The following SLC14A2 variants were observed in gnomAD, a reference collection of about 807,000 sequenced individuals.
SLC14A2 encodes urea transporter 2.
SLC14A2 carries 91 observed loss-of-function variants against 104.6 expected under a neutral mutation model. The observed-to-expected ratio is 0.87, with a 90% CI of 0.73 to 1.04. The LOEUF (loss-of-function observed/expected upper bound fraction) is 1.04. Among genes scored for constraint, SLC14A2 ranks in the 50% least tolerant of loss-of-function variants. The pLI, the probability that SLC14A2 is intolerant of heterozygous loss-of-function variation, is 0.00. For synonymous variants in SLC14A2, 476 were observed against 466.4 expected (o/e 1.02, Z -0.27); for missense variants, 1,189 against 1,156.0 (o/e 1.03, Z -0.41).
Position 45,403,892 on chromosome 18 carries a change from A to G in SLC14A2, c.-124-79341A>G, listed in dbSNP as rs184122666. Among the ~76,000 whole-genome samples the G allele has an allele frequency of 4.6e-4, 70 of 152,310 alleles. 2 individuals are homozygous for G. The East Asian group carries it at 0.013, about 29-fold the overall frequency. On this transcript the variant is annotated intron_variant, in intron 1 of 20. Transcript: ENST00000586448. ...AAGATAAAGGACAAGCACTTCTGTG[A>G]CTTGACTGTATTCAACCCTTCCAGC...
rs561488166 is a variant in SLC14A2 at position 45,540,387 on chromosome 18, C to G, written c.-35+57065C>G. ...TGCTGAGCCTTACTCCAAATTCACC[C>G]TGTTGTGGGCAGTCACACACTGCTT... is the stretch of plus-strand genomic sequence containing the variant. On this transcript the variant is annotated intron_variant, in intron 2 of 20. Coordinates refer to the SLC14A2 transcript ENST00000586448. 2.0e-5 allele frequency among the ~76,000 whole-genome samples: 3 copies of G among 152,304 alleles called. No individual in the cohort carries two copies. The East Asian group carries it at 5.8e-4, about 29-fold the overall frequency.
intron 2 of SLC14A2, among the ~76,000 whole-genome samples, chr18:45,497,541 A>G (rs1196587673): frequency 6.6e-6 from 1 of 152,178 alleles, no homozygotes; most frequent in African/African-American, 2.4e-5. Flanking sequence ...GGGTGGCCAG[A>G]CAAGGCCTCT....
chr18:45,354,177 C>T (rs1436437239), intron 1 of SLC14A2, among the ~76,000 whole-genome samples: 3 of 152,156 alleles, frequency 2.0e-5, no homozygotes, highest in Non-Finnish European at 4.4e-5. Context: ...ACACTATAAC[C>T]AGTAGAAGTC....
chr18:45,378,624 T>C (rs1479645970), intron 1 of SLC14A2, among the ~76,000 whole-genome samples: 1 of 152,238 alleles, frequency 6.6e-6, no homozygotes, highest in Non-Finnish European at 1.5e-5. Flanking sequence ...AAAAATTAGT[T>C]TGTATTACCG....
At chr18:45,631,338 C>G (rs2045342526) in intron 4 of SLC14A2, among the ~76,000 whole-genome samples, 1 of 152,244 alleles carries the variant, frequency 6.6e-6, no homozygotes, top group Non-Finnish European at 1.5e-5. Flanking sequence ...GGCCTTGCAT[C>G]ACAAGCTGCC....
chr18:45,497,681 T>C lies in SLC14A2; in HGVS notation c.-35+14359T>C, dbSNP rs548642978. ...AGAGACAAAGAACAACCAGTAGGCA[T>C]GGTGTTCCCATTGAGAAGGGAGGAT... is the stretch of plus-strand genomic sequence containing the variant. On this transcript the variant is annotated intron_variant, in intron 2 of 20. Coordinates refer to the SLC14A2 transcript ENST00000586448. Among the ~76,000 whole-genome samples, 6 of 152,292 alleles carry C rather than the reference T, an allele frequency of 3.9e-5. No individual in the cohort carries two copies. The South Asian group carries it at 8.3e-4, about 21-fold the overall frequency.
At chr18:45,297,576 T>C (rs2084928909) in intron 1 of SLC14A2, among the ~76,000 whole-genome samples, 1 of 152,236 alleles carries the variant, frequency 6.6e-6, no homozygotes, top group African/African-American at 2.4e-5. Flanking sequence ...AATCACTTGA[T>C]CTTCCTGGGT....
intron 1 of SLC14A2, among the ~76,000 whole-genome samples, chr18:45,391,086 C>T (rs1377454560): frequency 2.0e-5 from 3 of 152,104 alleles, no homozygotes; most frequent in African/African-American, 2.4e-5. Flanking sequence ...CCCCTCCACC[C>T]ACCCCACAAC....
rs1599108275 is a variant in SLC14A2, at chr18:45,643,152, G to C, written c.1147G>C (p.Glu383Gln). Reference sequence around the variant, plus strand: ...CACAGCCCTGTTCTGTGCATACATGGAAGCAGCCATCTCCAACATCATGTC... The same window carrying C: ...CACAGCCCTGTTCTGTGCATACATGCAAGCAGCCATCTCCAACATCATGTC... ...LICALFCAYM[E>Q]AAISNIMSVV... Residue 383 changes from glutamate (E) to glutamine (Q), a missense_variant, in exon 9 of 20, where the codon GAA becomes CAA. Transcript: ENST00000255226. 3 of 1,614,174 alleles carry C rather than the reference G, an allele frequency of 1.9e-6. No homozygotes were observed. Among genetic ancestry groups the C allele is most frequent in the Non-Finnish European group, 2.5e-6 (3 of 1,180,002 alleles).
intron 2 of SLC14A2, among the ~76,000 whole-genome samples, chr18:45,523,268 CA>C (rs2043542477): frequency 6.6e-6 from 1 of 152,064 alleles, no homozygotes; most frequent in Non-Finnish European, 1.5e-5. Context: ...ATAAGTATCA[CA>C]AAGACAGGTC....
intron 16 of SLC14A2, among the ~76,000 whole-genome samples, chr18:45,671,531 G>A (rs558794177): frequency 1.3e-5 from 2 of 152,210 alleles, no homozygotes; most frequent in East Asian, 3.9e-4. Flanking sequence ...TCTGAAGGGT[G>A]CAACTGGCTG....
intron 2 of SLC14A2, among the ~76,000 whole-genome samples, chr18:45,580,012 T>G (rs1451855570): frequency 6.6e-6 from 1 of 152,100 alleles, no homozygotes; most frequent in Non-Finnish European, 1.5e-5. Flanking sequence ...GAAACAAGTA[T>G]GGGACATAGG....
At chr18:45,425,999 A>C (rs1329836025) in intron 1 of SLC14A2, among the ~76,000 whole-genome samples, 6 of 29,102 alleles carry the variant, frequency 2.1e-4, no homozygotes, top group Admixed American at 1.9e-3. Flanking sequence ...AACTACTCAC[A>C]ACTCTCTTAC....
chr18:45,521,281 A>G (rs2043512667), intron 2 of SLC14A2, among the ~76,000 whole-genome samples: 1 of 152,252 alleles, frequency 6.6e-6, no homozygotes, highest in African/African-American at 2.4e-5. Flanking sequence ...ACAGGGTTAA[A>G]TGACTCATTC....
chr18:45,338,210 A>T (rs1027664482), intron 1 of SLC14A2, among the ~76,000 whole-genome samples: 1 of 151,254 alleles, frequency 6.6e-6, no homozygotes, highest in African/African-American at 2.4e-5. Context: ...TTGTTTTTTG[A>T]TTTTTTTTGA....
chr18:45,595,407 T>G (rs1416304104), intron 2 of SLC14A2, among the ~76,000 whole-genome samples: 4 of 118,874 alleles, frequency 3.4e-5, no homozygotes, highest in South Asian at 3.1e-4. Flanking sequence ...TTTTGCTGGG[T>G]TTTTTTTTTT....
At chr18:45,680,744 G>A (rs1378038873) in intron 19 of SLC14A2, among the ~76,000 whole-genome samples, 1 of 152,214 alleles carries the variant, frequency 6.6e-6, no homozygotes, top group East Asian at 1.9e-4. Flanking sequence ...CGCTATTGAG[G>A]TCTCAGAAAG....
chr18:45,412,385 A>G (rs1328104713), intron 1 of SLC14A2, among the ~76,000 whole-genome samples: 1 of 152,220 alleles, frequency 6.6e-6, no homozygotes, highest in Non-Finnish European at 1.5e-5. Context: ...AACTGAGAAG[A>G]GAGAAAACAG....
intron 1 of SLC14A2, among the ~76,000 whole-genome samples, chr18:45,321,561 GA>G (rs1232572483): frequency 6.6e-6 from 1 of 152,182 alleles, no homozygotes; most frequent in Non-Finnish European, 1.5e-5. Flanking sequence ...ATGGTGGGGT[GA>G]GGGAAGAAAG....
Sources: allele counts gnomAD v4.1 joint callset (sites outside exome capture counted in the v4.1 genomes callset), GRCh38; gene constraint gnomAD v4.1.1; transcripts MANE v1.5; gene names NCBI Gene and HGNC (gene_info 2026-07-23, HGNC 2026-07-21).